The following MAN2A1 variants were observed in gnomAD, a reference collection of about 807,000 sequenced individuals.
The protein encoded by MAN2A1 is alpha-mannosidase 2.
Under a neutral mutation model 142.6 loss-of-function variants are expected in MAN2A1, and 76 were observed. The observed-to-expected ratio is 0.53, with a 90% CI of 0.44 to 0.65. The LOEUF (loss-of-function observed/expected upper bound fraction) is 0.65. Ranked by LOEUF, MAN2A1 falls within the 30% of genes least tolerant of loss-of-function variation. The probability of loss-of-function intolerance (pLI) is 0.00; values close to 1 mark genes in which losing one functional copy is unlikely to be tolerated. For missense variants in MAN2A1, 1,311 were observed against 1,365.1 expected (o/e 0.96, Z 0.62); for synonymous variants, 559 against 473.2 (o/e 1.18, Z -2.35).
rs561538908 is a variant in MAN2A1, at chr5:109,734,441, T to C, written c.707+4928T>C. ...TTGAATGTGTTTGCTCTTGTTTCTC[T>C]AGTTCTTTTAATTGTGATGTTAGGG... On this transcript the variant is annotated intron_variant, in intron 4 of 21. Transcript: ENST00000261483. 3.6e-3 allele frequency among the ~76,000 whole-genome samples: 549 copies of C among 152,242 alleles called. 5 individuals are homozygous for C. The highest frequency in any genetic ancestry group is 0.013 in the African/African-American group (531 of 41,532).
At chr5:109,721,337 A>T (rs1221778821) in intron 3 of MAN2A1, among the ~76,000 whole-genome samples, 4 of 152,150 alleles carry the variant, frequency 2.6e-5, no homozygotes, top group African/African-American at 9.7e-5. Flanking sequence ...CTAATTTAAC[A>T]CATTTATCTG....
At chr5:109,708,136 G>A (rs548106924) in intron 1 of MAN2A1, among the ~76,000 whole-genome samples, 1 of 152,248 alleles carries the variant, frequency 6.6e-6, no homozygotes, top group South Asian at 2.1e-4. Context: ...AAAGGAGACT[G>A]ATAAACAGTT....
intron 6 of MAN2A1, 96 bp downstream of exon 6, chr5:109,767,804 G>A (rs1582877277): frequency 9.7e-7 from 1 of 1,032,924 alleles, no homozygotes; most frequent in East Asian, 2.4e-5. Flanking sequence ...TTCACTGTCA[G>A]TCTTGAAAAA....
intron 12 of MAN2A1, among the ~76,000 whole-genome samples, chr5:109,803,938 G>C (rs1034876344): frequency 5.7e-4 from 86 of 152,100 alleles, no homozygotes; most frequent in African/African-American, 2.0e-3. Context: ...GGTTACGTGA[G>C]ATTACTTCAG....
chr5:109,744,932 T>C (rs749176498), intron 4 of MAN2A1, among the ~76,000 whole-genome samples: 1 of 152,030 alleles, frequency 6.6e-6, no homozygotes, highest in South Asian at 2.1e-4. Flanking sequence ...AGTAAAAAAA[T>C]GATAAATTAC....
intron 16 of MAN2A1, among the ~76,000 whole-genome samples, chr5:109,837,379 C>T (rs1375010867): frequency 4.0e-5 from 6 of 151,772 alleles, no homozygotes; most frequent in Non-Finnish European, 7.4e-5. Flanking sequence ...TGCCCTCTGC[C>T]CTTAAAAACA....
chr5:109,714,162 C>G (rs916690233), intron 2 of MAN2A1, among the ~76,000 whole-genome samples: 3 of 146,434 alleles, frequency 2.0e-5, no homozygotes, highest in Admixed American at 1.4e-4. Flanking sequence ...AGATTTTGTA[C>G]AAAGTAAGGT....
intron 5 of MAN2A1, among the ~76,000 whole-genome samples, chr5:109,762,540 A>T (rs562171202): frequency 2.6e-5 from 4 of 152,216 alleles, no homozygotes; most frequent in Non-Finnish European, 4.4e-5. Flanking sequence ...TGGAGTCAGC[A>T]TAGGCAAACT....
At chr5:109,820,008 T>C (rs899123083) in intron 14 of MAN2A1, 121 bp downstream of exon 14, 99 of 848,438 alleles carry the variant, frequency 1.2e-4, no homozygotes, top group Non-Finnish European at 1.6e-4. Context: ...TACTCTTGAG[T>C]AAAAGGAAGC....
intron 19 of MAN2A1, among the ~76,000 whole-genome samples, chr5:109,851,585 T>C (rs958749366): frequency 6.6e-6 from 1 of 152,200 alleles, no homozygotes; most frequent in Non-Finnish European, 1.5e-5. Flanking sequence ...TGCCATGCTC[T>C]TGGAATTCCC....
At chr5:109,749,339 T>A (rs569598673) in intron 4 of MAN2A1, among the ~76,000 whole-genome samples, 1 of 152,280 alleles carries the variant, frequency 6.6e-6, no homozygotes, top group South Asian at 2.1e-4. Flanking sequence ...AAATTCTGCA[T>A]TTTAGGTAAA....
chr5:109,790,861 T>A (rs1368507625), intron 12 of MAN2A1, among the ~76,000 whole-genome samples: 1 of 152,086 alleles, frequency 6.6e-6, no homozygotes, highest in Non-Finnish European at 1.5e-5. Flanking sequence ...CTGGGTGCAG[T>A]GAGGCAGGGC....
At chr5:109,866,167 C>T (rs576311075) in intron 21 of MAN2A1, among the ~76,000 whole-genome samples, 1 of 152,238 alleles carries the variant, frequency 6.6e-6, no homozygotes, top group South Asian at 2.1e-4. Flanking sequence ...TTTTATTATA[C>T]TGTATTTGCA....
chr5:109,753,392 AG>A (rs1463362594), intron 4 of MAN2A1, among the ~76,000 whole-genome samples: 2 of 152,182 alleles, frequency 1.3e-5, no homozygotes, highest in Non-Finnish European at 2.9e-5. Context: ...GGCGTTTTTT[AG>A]AAATTTCCAG....
intron 4 of MAN2A1, among the ~76,000 whole-genome samples, 174 bp downstream of exon 4, chr5:109,729,687 C>T (rs1751846253): frequency 6.6e-6 from 1 of 152,062 alleles, no homozygotes; most frequent in Non-Finnish European, 1.5e-5. Context: ...CCATTTGAAA[C>T]TTTTCCATTT....
At chr5:109,752,295 T>C (rs1752567793) in intron 4 of MAN2A1, among the ~76,000 whole-genome samples, 2 of 152,218 alleles carry the variant, frequency 1.3e-5, no homozygotes, top group Non-Finnish European at 2.9e-5. Flanking sequence ...TCTCTTTCTA[T>C]TTTATTTTGC....
At chr5:109,850,108 A>G (rs1755446787) in intron 19 of MAN2A1, among the ~76,000 whole-genome samples, 1 of 152,062 alleles carries the variant, frequency 6.6e-6, no homozygotes, top group South Asian at 2.1e-4. Flanking sequence ...CGATTATTTG[A>G]TCCTGTCTTC....
intron 3 of MAN2A1, among the ~76,000 whole-genome samples, chr5:109,722,811 G>A (rs1394576110): frequency 1.3e-5 from 2 of 152,152 alleles, no homozygotes; most frequent in Non-Finnish European, 2.9e-5. Flanking sequence ...TACCCTAAGA[G>A]TAACCCACCA....
chr5:109,733,319 G>T (rs372546870), intron 4 of MAN2A1, among the ~76,000 whole-genome samples: 17 of 152,224 alleles, frequency 1.1e-4, no homozygotes, highest in Admixed American at 2.0e-4. Context: ...CAGGGACAAT[G>T]TGACTTCCTC....
Sources: allele counts gnomAD v4.1 joint callset (sites outside exome capture counted in the v4.1 genomes callset), GRCh38; gene constraint gnomAD v4.1.1; transcripts MANE v1.5; gene names NCBI Gene and HGNC (gene_info 2026-07-23, HGNC 2026-07-21).